Variants in RAD50 observed in about 807,000 individuals in gnomAD.
RAD50 encodes the protein RAD50 double strand break repair protein.
In RAD50, 132 loss-of-function variants were observed where a neutral mutation model predicts 168.8. That is an observed-to-expected ratio of 0.78 (90% CI 0.68 to 0.90). RAD50 has a LOEUF of 0.90. Among genes scored for constraint, RAD50 ranks in the 40% least tolerant of loss-of-function variants. The probability of loss-of-function intolerance (pLI) is 0.00; values close to 1 mark genes in which losing one functional copy is unlikely to be tolerated. For missense variants in RAD50, 1,347 were observed against 1,534.4 expected (o/e 0.88, Z 2.04); for synonymous variants, 525 against 497.4 (o/e 1.06, Z -0.74).
intron 2 of RAD50, among the ~76,000 whole-genome samples, chr5:132,573,342 G>A (rs2149835592): frequency 6.6e-6 from 1 of 152,314 alleles, no homozygotes; most frequent in South Asian, 2.1e-4. Flanking sequence ...TGAAAGTCAT[G>A]TCTCACATGG....
chr5:132,559,243 G>T, intron 1 of RAD50, 41 bp from the exon 2 acceptor site: 1 of 1,547,346 alleles, frequency 6.5e-7, no homozygotes, highest in Non-Finnish European at 8.8e-7. Context: ...AACTTCTGTG[G>T]TTCTCTTATA....
intron 9 of RAD50, 135 bp downstream of exon 9, chr5:132,589,972 C>T: frequency 1.2e-6 from 1 of 841,268 alleles, no homozygotes; most frequent in Non-Finnish European, 1.8e-6. Context: ...AAAATGAATT[C>T]ATCTGAATAT....
At chr5:132,560,715 A>G (rs940492016) in intron 2 of RAD50, among the ~76,000 whole-genome samples, 1 of 152,066 alleles carries the variant, frequency 6.6e-6, no homozygotes, top group Non-Finnish European at 1.5e-5. Context: ...CCACCCAAGG[A>G]TTTTGCCCTT....
At chr5:132,602,055 C>T (rs1489563547) in intron 13 of RAD50, among the ~76,000 whole-genome samples, 6 of 152,098 alleles carry the variant, frequency 3.9e-5, no homozygotes, top group Admixed American at 2.0e-4. Context: ...GTGCAGCAAA[C>T]CACCATGGCA....
rs539856294 is a variant in RAD50 at position 132,584,921 on chromosome 5, G to C, written c.757-2641G>C. On this transcript the variant is annotated intron_variant, in intron 5 of 24. Coordinates refer to ENST00000378823, the MANE Select transcript of RAD50 (RefSeq NM_005732.4). The stretch of plus-strand genomic sequence containing the variant: ...GAGAACACTTGGACAGACACAGGAA[G>C]GGGAACATCACACACTGGGTCCTGT... 3.5e-5 allele frequency among the ~76,000 whole-genome samples: 5 copies of C among 142,754 alleles called. No homozygotes were observed. In the South Asian group the frequency reaches 1.2e-3, roughly 33 times the overall value. The allele number at this position is 142,754 out of a possible 152,430, so 93.7% of individuals were successfully genotyped here. A position where few individuals can be genotyped will look rare whatever the true frequency, so the allele number is the denominator to read the frequency against.
chr5:132,644,074 T>TATCA lies in RAD50; in HGVS notation c.*1712_*1715dup, dbSNP rs1751799712. 1 of 203,550 alleles carries TATCA rather than the reference T, an allele frequency of 4.9e-6. No individual in the cohort carries two copies. The highest frequency in any genetic ancestry group is 7.7e-5 in the East Asian group (1 of 13,066). The allele number at this position is 203,550 out of a possible 1,614,324, so 12.6% of individuals were successfully genotyped here. ...GTAAATATTAAAGCCAGTTACCTTC[T>TATCA]ATCAACATGTTAATGAAAGTGCTAG... is the stretch of plus-strand genomic sequence containing the variant. On this transcript the variant is annotated 3_prime_UTR_variant, in exon 25 of 25. Coordinates refer to ENST00000378823, the MANE Select transcript of RAD50 (RefSeq NM_005732.4).
In RAD50 at chr5:132,608,710, A is replaced by G. The variant is rs1581004311; in HGVS notation, c.2814A>G (p.Lys938=). The G allele has an allele frequency of 3.2e-6, 5 of 1,586,806 alleles. No individual in the cohort carries two copies. The highest frequency in any genetic ancestry group is 4.3e-6 in the Non-Finnish European group (5 of 1,166,710). ...TCAACAAAAAAAATACAAGCAACAA[A>G]ATAGCACAGGATAAAGTAAGATTTC... ...ELINKKNTSN[K]IAQDKLNDIK... is the part of the protein sequence containing the mutation. The change falls in exon 17 of 25, where the codon AAA becomes AAG. Residue 938 remains lysine (K), a synonymous_variant. Coordinates refer to ENST00000378823, the MANE Select transcript of RAD50 (RefSeq NM_005732.4).
intron 19 of RAD50, among the ~76,000 whole-genome samples, chr5:132,612,928 T>C (rs1246398566): frequency 6.6e-6 from 1 of 152,114 alleles, no homozygotes; most frequent in Non-Finnish European, 1.5e-5. Context: ...TGAAATTCCT[T>C]AGAGGTTCTA....
chr5:132,625,317 A>G (rs1233154720), intron 21 of RAD50, among the ~76,000 whole-genome samples: 2 of 151,410 alleles, frequency 1.3e-5, no homozygotes, highest in Non-Finnish European at 2.9e-5. Context: ...CGATCTCCTG[A>G]CCTCGTGATC....
chr5:132,635,507 C>CCT (rs769012053), intron 21 of RAD50, among the ~76,000 whole-genome samples: 1 of 152,126 alleles, frequency 6.6e-6, no homozygotes, highest in Admixed American at 6.5e-5. Context: ...TGGGTTGAGA[C>CCT]CTCTCCCTGA....
At chr5:132,584,336 A>G (rs1409794117) in intron 5 of RAD50, among the ~76,000 whole-genome samples, 1 of 151,812 alleles carries the variant, frequency 6.6e-6, no homozygotes, top group Admixed American at 6.6e-5. Flanking sequence ...CATATCCTTC[A>G]CCCACTTTTT....
At chr5:132,587,145 T>G (rs1750607582) in intron 5 of RAD50, among the ~76,000 whole-genome samples, 1 of 152,202 alleles carries the variant, frequency 6.6e-6, no homozygotes, top group Non-Finnish European at 1.5e-5. Context: ...ATACTCTTCA[T>G]GTAAATTTGC....
In RAD50 at chr5:132,643,398, T is replaced by C. The variant is rs1222618095; in HGVS notation, c.*1034T>C. 7.1e-5 allele frequency: 17 copies of C among 237,986 alleles called. No homozygotes were observed. Among genetic ancestry groups the C allele is most frequent in the Non-Finnish European group, 1.4e-4 (16 of 117,884 alleles). 14.7% of individuals were successfully genotyped at this position (237,986 alleles called of 1,614,324 possible). On this transcript the variant is annotated 3_prime_UTR_variant, in exon 25 of 25. Coordinates refer to ENST00000378823, the MANE Select transcript of RAD50 (RefSeq NM_005732.4). ...CAGAATGCAACCAAGTCACACGCTTTTGAATTATGCTTTGTAGAGTTTTGT... is the reference window on the plus strand; with the variant it reads ...CAGAATGCAACCAAGTCACACGCTTCTGAATTATGCTTTGTAGAGTTTTGT...
chr5:132,591,476 C>A, intron 10 of RAD50, 70 bp downstream of exon 10: 1 of 1,430,566 alleles, frequency 7.0e-7, no homozygotes, highest in South Asian at 1.2e-5. Flanking sequence ...ACTCATAAGT[C>A]ATAGACTATA....
In RAD50 at chr5:132,618,199, G is replaced by A. The variant is rs1349921805; in HGVS notation, c.3294G>A (p.Arg1098=). ...AAGAACTTCGAGAACCACAATTTCG[G>A]GATGCTGAGGAAAAGTATAGAGAAA... The part of the protein sequence containing the change: ...FKKELREPQF[R]DAEEKYREMM... The change falls in exon 21 of 25, where the codon CGG becomes CGA. Residue 1098 remains arginine (R), a synonymous_variant. Coordinates refer to ENST00000378823, the MANE Select transcript of RAD50 (RefSeq NM_005732.4). 1 of 1,613,914 alleles carries A rather than the reference G, an allele frequency of 6.2e-7. No homozygotes were observed. The highest frequency in any genetic ancestry group is 1.7e-5 in the Admixed American group (1 of 60,014).
chr5:132,580,791 C>T (rs1278716494), intron 5 of RAD50, among the ~76,000 whole-genome samples: 1 of 152,018 alleles, frequency 6.6e-6, no homozygotes, highest in East Asian at 1.9e-4. Flanking sequence ...ACAACTGCAC[C>T]CCTGTCCTTA....
chr5:132,603,522 C>T (rs1750926739), intron 14 of RAD50, 33 bp downstream of exon 14: 11 of 1,593,750 alleles, frequency 6.9e-6, no homozygotes, highest in East Asian at 2.2e-5. Context: ...CAGAATAAAA[C>T]TTGTTCCATG....
At position 132,618,215 on chromosome 5, in the gene RAD50, T is replaced by C. The variant is rs147545169; in HGVS notation, c.3310T>C (p.Tyr1104His). The change falls in exon 21 of 25, where the codon TAT (tyrosine) becomes CAT (histidine). Residue 1104 changes from tyrosine to histidine, a missense_variant. Coordinates refer to ENST00000378823, the MANE Select transcript of RAD50 (RefSeq NM_005732.4). ...ACAATTTCGGGATGCTGAGGAAAAG[T>C]ATAGAGAAATGATGATTGTTATGAG... The part of the protein sequence containing the change: ...EPQFRDAEEK[Y>H]REMMIVMRTT... The C allele has an allele frequency of 3.8e-5, 62 of 1,613,888 alleles. No individual in the cohort carries two copies. Among genetic ancestry groups the C allele is most frequent in the Non-Finnish European group, 5.2e-5 (61 of 1,179,970 alleles).
At chr5:132,582,009 T>G (rs543475943) in intron 5 of RAD50, among the ~76,000 whole-genome samples, 9 of 152,150 alleles carry the variant, frequency 5.9e-5, no homozygotes, top group Non-Finnish European at 1.3e-4. Flanking sequence ...AGAAAGAGAA[T>G]TTCTATCTGA....
Sources: gnomAD v4.1 joint callset for allele counts (sites outside exome capture counted in the v4.1 genomes callset) on GRCh38, gnomAD v4.1.1 for gene constraint, MANE v1.5 for transcripts, NCBI Gene and HGNC (gene_info 2026-07-23, HGNC 2026-07-21) for gene names.